The following SYNE2 variants were observed in gnomAD, a reference collection of about 807,000 sequenced individuals.
The protein encoded by SYNE2 is nesprin-2.
SYNE2 carries 431 observed loss-of-function variants against 856.3 expected under a neutral mutation model. The ratio of observed to expected loss-of-function variants is 0.50; its 90% CI spans 0.47 to 0.55. The LOEUF (loss-of-function observed/expected upper bound fraction) is 0.55. SYNE2 is among the 20% of genes least tolerant of loss of function. SYNE2 has a pLI of 0.00. For synonymous variants in SYNE2, 2,923 were observed against 2,872.3 expected, an observed-to-expected ratio of 1.02 and a Z score of -0.56; for missense variants, 8,129 against 8,023.2, an observed-to-expected ratio of 1.01 and a Z score of -0.50.
chr14:63,883,037 C>G (rs2094902417), intron 1 of SYNE2, among the ~76,000 whole-genome samples: 1 of 147,868 alleles, frequency 6.8e-6, no homozygotes, highest in East Asian at 2.0e-4. Flanking sequence ...GGCAAATATG[C>G]TTCAGTTCTT....
intron 1 of SYNE2, among the ~76,000 whole-genome samples, chr14:63,774,560 G>A: frequency 6.6e-6 from 1 of 151,332 alleles, no homozygotes; most frequent in East Asian, 1.9e-4. Flanking sequence ...TTTGAGACAG[G>A]GTCTCGCTCT....
chr14:63,826,770 G>A (rs991934586), intron 1 of SYNE2, among the ~76,000 whole-genome samples: 19 of 152,038 alleles, frequency 1.2e-4, no homozygotes, highest in African/African-American at 3.6e-4. Context: ...AATCTAGGGG[G>A]ATATCTTTGT....
At chr14:63,824,340 T>A (rs1257968298) in intron 1 of SYNE2, among the ~76,000 whole-genome samples, 2 of 151,896 alleles carry the variant, frequency 1.3e-5, no homozygotes, top group African/African-American at 2.4e-5. Flanking sequence ...AGTGAGATTT[T>A]AAAAAATGCA....
intron 55 of SYNE2, 129 bp downstream of exon 55, chr14:64,078,735 G>T: frequency 8.6e-7 from 1 of 1,167,836 alleles, no homozygotes; most frequent in South Asian, 1.3e-5. Context: ...AAATCCACAG[G>T]GGCATCACCT....
intron 6 of SYNE2, among the ~76,000 whole-genome samples, chr14:63,948,760 G>GTGTGTGTATA (rs1297322017): frequency 3.6e-5 from 2 of 54,972 alleles, no homozygotes; most frequent in African/African-American, 5.6e-5. Context: ...GTATATATAT[G>GTGTGTGTATA]TATATATATG....
chr14:64,146,863 G>T (rs372364659), intron 84 of SYNE2, among the ~76,000 whole-genome samples: 86 of 152,352 alleles, frequency 5.6e-4, no homozygotes, highest in African/African-American at 2.0e-3. Flanking sequence ...CTTCCTGCGT[G>T]ACGGCCTTAC....
rs372265910 is a variant in SYNE2, at chr14:64,049,568, ATAAG to A, written c.7378-41_7378-38del. 3.7e-4 allele frequency: 586 copies of A among 1,603,326 alleles called. 1 individual carries two copies. The African/African-American group carries it at 6.6e-3, about 18-fold the overall frequency. On this transcript the variant is annotated intron_variant, in intron 46 of 115. Coordinates refer to ENST00000555002, the MANE Select transcript of SYNE2 (RefSeq NM_182914.3). ...AGAAGATGAATGAATTAATGCATAA[ATAAG>A]TGAGTGTTTATTGACTGATCTGTGT...
intron 14 of SYNE2, among the ~76,000 whole-genome samples, chr14:63,979,934 A>G (rs927773906): frequency 3.9e-5 from 6 of 151,926 alleles, no homozygotes; most frequent in African/African-American, 1.2e-4. Context: ...TGAGGGGGGG[A>G]AGGAAAAATC....
chr14:63,902,385 T>C (rs1224942018), intron 1 of SYNE2, among the ~76,000 whole-genome samples: 1 of 117,894 alleles, frequency 8.5e-6, no homozygotes, highest in Non-Finnish European at 1.6e-5. Context: ...CACTCCAGCC[T>C]GGGTGACAGA....
chr14:64,219,124 T>TTTTTTTTTTA (rs369808458), intron 109 of SYNE2, 84 bp from the exon 110 acceptor site: 36 of 846,428 alleles, frequency 4.3e-5, no homozygotes, highest in Admixed American at 8.2e-5. Flanking sequence ...TTTTTTTTTT[T>TTTTTTTTTTA]AACCACCCTG....
chr14:63,888,578 C>T (rs115768713), intron 1 of SYNE2, among the ~76,000 whole-genome samples: 24 of 152,136 alleles, frequency 1.6e-4, no homozygotes, highest in Non-Finnish European at 2.4e-4. Flanking sequence ...GGCCGGGAAT[C>T]AAGTAAGGTG....
chr14:64,224,253 G>A (rs535241329), intron 113 of SYNE2, among the ~76,000 whole-genome samples: 500 of 151,488 alleles, frequency 3.3e-3, no homozygotes, highest in African/African-American at 0.011. Flanking sequence ...TACTCAGGAG[G>A]CTGAGGTAGA....
chr14:64,147,644 CAT>C (rs1211945054), intron 84 of SYNE2, among the ~76,000 whole-genome samples: 3 of 152,218 alleles, frequency 2.0e-5, no homozygotes, highest in Non-Finnish European at 2.9e-5. Context: ...TCTGTAGAAA[CAT>C]AGATTAGCAA....
At chr14:64,224,001 C>T (rs142125940) in intron 113 of SYNE2, among the ~76,000 whole-genome samples, 12 of 151,592 alleles carry the variant, frequency 7.9e-5, no homozygotes, top group Admixed American at 5.3e-4. Flanking sequence ...CCTTTTTGTC[C>T]GAAAAAGTCT....
Position 64,219,992 on chromosome 14 carries a change from G to A in SYNE2, c.19861-445G>A, listed in dbSNP as rs555816272. On this transcript the variant is annotated intron_variant, in intron 110 of 115. Coordinates refer to ENST00000555002, the MANE Select transcript of SYNE2 (RefSeq NM_182914.3). ...GAGCAGTAGCCTGAGACCCAGGGCA[G>A]GGGTTTTGGAGGATCCAGGTACCTT... Among the ~76,000 whole-genome samples, 15 of 152,358 alleles carry A rather than the reference G, an allele frequency of 9.8e-5. No homozygotes were observed. The East Asian group carries it at 2.9e-3, about 29-fold the overall frequency.
intron 2 of SYNE2, among the ~76,000 whole-genome samples, chr14:63,928,021 A>G (rs529225287): frequency 1.3e-5 from 2 of 152,112 alleles, no homozygotes; most frequent in East Asian, 1.9e-4. Flanking sequence ...TATCAGCAGC[A>G]TGAGAATGGA....
chr14:64,151,483 AGCTGGGATCCTTAGGCAAAGCAATTTTC>A (rs1595863757), intron 84 of SYNE2, among the ~76,000 whole-genome samples: 1,020 of 101,496 alleles, frequency 0.01, 1 homozygote, highest in African/African-American at 0.015. Flanking sequence ...TCAAAAAAAA[AGCTGGGATCCTTAGGCAAAGCAATTTTC>A]AAAAAAAAAA....
At chr14:63,897,284 A>G (rs898033941) in intron 1 of SYNE2, among the ~76,000 whole-genome samples, 1 of 152,194 alleles carries the variant, frequency 6.6e-6, no homozygotes, top group African/African-American at 2.4e-5. Context: ...AAATAAATTT[A>G]CATAAAGGAC....
intron 29 of SYNE2, 57 bp from the exon 30 acceptor site, chr14:64,002,663 C>A (rs2096764162): frequency 1.3e-6 from 2 of 1,590,980 alleles, no homozygotes; most frequent in African/African-American, 1.4e-5. Context: ...TAGTTTCTCA[C>A]ATGTAGCCTT....
Sources: allele counts gnomAD v4.1 joint callset (sites outside exome capture counted in the v4.1 genomes callset), GRCh38; gene constraint gnomAD v4.1.1; transcripts MANE v1.5; gene names NCBI Gene and HGNC (gene_info 2026-07-23, HGNC 2026-07-21).